FOXN3: variants seen among roughly 807,000 people sequenced by gnomAD.
The protein encoded by FOXN3 is forkhead box N3.
In FOXN3, 7 loss-of-function variants were observed where a neutral mutation model predicts 38.4. The observed-to-expected ratio is 0.18, with a 90% CI of 0.10 to 0.34. FOXN3 has a LOEUF of 0.34. Among genes scored for constraint, FOXN3 ranks in the 10% least tolerant of loss-of-function variants. FOXN3 has a pLI of 1.00. For missense variants in FOXN3, 456 were observed against 613.4 expected (o/e 0.74, Z 2.71); for synonymous variants, 230 against 242.2 (o/e 0.95, Z 0.47).
chr14:89,460,495 G>A (rs1892822500), intron 1 of FOXN3, among the ~76,000 whole-genome samples: 1 of 152,158 alleles, frequency 6.6e-6, no homozygotes, highest in Admixed American at 6.5e-5. Flanking sequence ...GGCTTCATTT[G>A]TCCCGCTTCT....
chr14:89,168,009 C>T (rs983805601), intron 5 of FOXN3, among the ~76,000 whole-genome samples: 1 of 152,136 alleles, frequency 6.6e-6, no homozygotes, highest in Admixed American at 6.5e-5. Flanking sequence ...GTTTTAAAAG[C>T]AAATCCTCTC....
chr14:89,503,333 G>A (rs1297738563), intron 1 of FOXN3, among the ~76,000 whole-genome samples: 1 of 151,446 alleles, frequency 6.6e-6, no homozygotes, highest in East Asian at 1.9e-4. Context: ...CCATACAGCT[G>A]GTTTATCTGA....
intron 4 of FOXN3, among the ~76,000 whole-genome samples, chr14:89,247,682 T>C (rs961002297): frequency 2.0e-5 from 3 of 152,172 alleles, no homozygotes; most frequent in African/African-American, 7.2e-5. Flanking sequence ...ATTCCACACA[T>C]AACCCCTGTT....
In FOXN3 at chr14:89,380,748, T is replaced by A. The variant is rs72701702; in HGVS notation, c.544-29940A>T. ...CACAGACCATGGGCAGTTTTCTAAG[T>A]CACATTTAGAATCACTACTGAAGAT... On this transcript the variant is annotated intron_variant, in intron 2 of 5. Coordinates refer to ENST00000557258, the MANE Select transcript of FOXN3 (RefSeq NM_005197.4). Among the ~76,000 whole-genome samples, 204 of 152,310 alleles carry A rather than the reference T, an allele frequency of 1.3e-3. 1 individual carries two copies. The highest frequency in any genetic ancestry group is 2.2e-3 in the Non-Finnish European group (148 of 68,032).
chr14:89,284,204 CG>C (rs1886546900), intron 3 of FOXN3, among the ~76,000 whole-genome samples: 1 of 151,840 alleles, frequency 6.6e-6, no homozygotes, highest in African/African-American at 2.4e-5. Flanking sequence ...TAAATTGAGA[CG>C]AAGTCTTGCT....
intron 3 of FOXN3, chr14:89,291,538 C>T (rs773494281): frequency 3.5e-6 from 2 of 577,796 alleles, no homozygotes; most frequent in Non-Finnish European, 6.8e-6. Context: ...CAGACAGCGA[C>T]TCCAGGCAGC....
intron 1 of FOXN3, among the ~76,000 whole-genome samples, chr14:89,587,572 AAGCTCAGGCATCAG>A (rs1405460252): frequency 6.6e-6 from 1 of 152,190 alleles, no homozygotes; most frequent in Non-Finnish European, 1.5e-5. Flanking sequence ...CCGGGGAAAA[AAGCTCAGGCATCAG>A]GCCGGGCACA....
At chr14:89,417,787 T>TG, upstream of FOXN3, 1 of 454,430 alleles carries the variant, frequency 2.2e-6, no homozygotes, top group African/African-American at 2.0e-5. Context: ...GACCACCTCG[T>TG]GTCCCGGAGG....
chr14:89,190,745 T>C (rs1414779991), intron 4 of FOXN3, among the ~76,000 whole-genome samples: 1 of 152,206 alleles, frequency 6.6e-6, no homozygotes, highest in African/African-American at 2.4e-5. Context: ...TGCTGATCTA[T>C]GCACCCCCAC....
intron 1 of FOXN3, among the ~76,000 whole-genome samples, chr14:89,501,909 T>C (rs1027258808): frequency 6.6e-5 from 10 of 151,946 alleles, no homozygotes; most frequent in Non-Finnish European, 1.2e-4. Context: ...CTCACACCTG[T>C]AATCCCAGCA....
intron 3 of FOXN3, among the ~76,000 whole-genome samples, chr14:89,322,621 G>A (rs377500719): frequency 7.2e-5 from 11 of 152,170 alleles, no homozygotes; most frequent in African/African-American, 1.4e-4. Flanking sequence ...GAAGGGGACC[G>A]GTGGGGCAGT....
At chr14:89,305,609 C>T (rs560676523) in intron 3 of FOXN3, among the ~76,000 whole-genome samples, 1 of 152,322 alleles carries the variant, frequency 6.6e-6, no homozygotes, top group East Asian at 1.9e-4. Context: ...TTGTTGGCCC[C>T]TAATACCACG....
intron 4 of FOXN3, among the ~76,000 whole-genome samples, chr14:89,213,248 A>C (rs985815180): frequency 3.3e-5 from 5 of 152,196 alleles, no homozygotes. Flanking sequence ...GGGCCTCATA[A>C]GAAAAGGGTA....
intron 1 of FOXN3, among the ~76,000 whole-genome samples, chr14:89,431,723 T>G (rs1892163266): frequency 6.6e-6 from 1 of 152,170 alleles, no homozygotes; most frequent in African/African-American, 2.4e-5. Context: ...GTGCTGTGGT[T>G]GTTGTTTTGA....
chr14:89,559,590 TG>T (rs1236633864), intron 1 of FOXN3, among the ~76,000 whole-genome samples: 3 of 152,074 alleles, frequency 2.0e-5, no homozygotes, highest in Admixed American at 1.3e-4. Context: ...GCAGGAGAGT[TG>T]CTTGAATCCA....
rs188486570 is a variant in FOXN3 at position 89,462,762 on chromosome 14, G to T, written c.-14-50272C>A. On this transcript the variant is annotated intron_variant, in intron 1 of 6. Coordinates refer to the FOXN3 transcript ENST00000345097. Reference sequence around the variant, plus strand: ...TGCAGTGGCACGATCTCGGCTCACTGCAACCTCTGCCTCCTGGGTTCAAGC... The same window carrying T: ...TGCAGTGGCACGATCTCGGCTCACTTCAACCTCTGCCTCCTGGGTTCAAGC... Among the ~76,000 whole-genome samples the T allele has an allele frequency of 9.5e-3, 1,432 of 150,694 alleles. 17 individuals are homozygous for T. Among genetic ancestry groups the T allele is most frequent in the African/African-American group, 0.033 (1,339 of 41,004 alleles).
At chr14:89,410,892 A>G (rs2140096225) in intron 2 of FOXN3, among the ~76,000 whole-genome samples, 1 of 147,422 alleles carries the variant, frequency 6.8e-6, no homozygotes, top group Admixed American at 6.9e-5. Flanking sequence ...AGAGGAAAAA[A>G]AAGAAAAAAG....
intron 4 of FOXN3, among the ~76,000 whole-genome samples, chr14:89,195,989 A>C (rs987845395): frequency 6.6e-6 from 1 of 152,114 alleles, no homozygotes; most frequent in African/African-American, 2.4e-5. Context: ...CCAATCTCAA[A>C]TCCCATATTA....
At chr14:89,382,174 C>T (rs1186479410) in intron 2 of FOXN3, among the ~76,000 whole-genome samples, 1 of 152,126 alleles carries the variant, frequency 6.6e-6, no homozygotes, top group African/African-American at 2.4e-5. Flanking sequence ...ATGACCCCCA[C>T]AGCTATCATC....
Sources: allele counts gnomAD v4.1 joint callset (sites outside exome capture counted in the v4.1 genomes callset), GRCh38; gene constraint gnomAD v4.1.1; transcripts MANE v1.5; gene names NCBI Gene and HGNC (gene_info 2026-07-23, HGNC 2026-07-21).